Variants in PCNX1 observed in about 807,000 individuals in gnomAD.
PCNX1 encodes pecanex-like protein 1.
PCNX1 carries 78 observed loss-of-function variants against 242.2 expected under a neutral mutation model. The ratio of observed to expected loss-of-function variants is 0.32; its 90% CI spans 0.27 to 0.39. The LOEUF (loss-of-function observed/expected upper bound fraction) is 0.39, where lower values mean the gene tolerates loss of function less well. PCNX1 is among the 10% of genes least tolerant of loss of function. The probability of loss-of-function intolerance (pLI) is 1.00; values close to 1 mark genes in which losing one functional copy is unlikely to be tolerated. For synonymous variants in PCNX1, 1,024 were observed against 1,032.9 expected, an observed-to-expected ratio of 0.99 and a Z score of 0.17; for missense variants, 2,581 against 2,856.5, an observed-to-expected ratio of 0.90 and a Z score of 2.20.
chr14:70,966,456 A>C (rs1359948187), intron 3 of PCNX1, among the ~76,000 whole-genome samples: 1 of 152,160 alleles, frequency 6.6e-6, no homozygotes, highest in Non-Finnish European at 1.5e-5. Context: ...AAAAGTTAGG[A>C]AGCAAGCAGT....
intron 10 of PCNX1, chr14:71,011,916 G>T: frequency 5.4e-6 from 1 of 186,890 alleles, no homozygotes. Flanking sequence ...GTGTATTCCT[G>T]GAAACTGCAT....
chr14:71,081,463 C>G (rs1450750680), intron 28 of PCNX1, among the ~76,000 whole-genome samples: 1 of 152,078 alleles, frequency 6.6e-6, no homozygotes, highest in Non-Finnish European at 1.5e-5. Context: ...TTCTTCGTAC[C>G]TCTGGTAGAA....
intron 1 of PCNX1, among the ~76,000 whole-genome samples, chr14:70,922,815 T>G (rs1005273265): frequency 2.6e-5 from 4 of 151,560 alleles, no homozygotes; most frequent in Admixed American, 1.3e-4. Context: ...TAGTGAACAC[T>G]TACGTATATA....
intron 19 of PCNX1, among the ~76,000 whole-genome samples, chr14:71,042,101 A>C (rs2060723816): frequency 6.6e-6 from 1 of 152,142 alleles, no homozygotes; most frequent in Admixed American, 6.6e-5. Context: ...CATAACATAT[A>C]GTCTGTCTTG....
intron 1 of PCNX1, among the ~76,000 whole-genome samples, chr14:70,920,761 A>C (rs958784136): frequency 6.6e-6 from 1 of 152,220 alleles, no homozygotes; most frequent in Non-Finnish European, 1.5e-5. Flanking sequence ...ATAAGGTAGA[A>C]TATGACTAAT....
At position 71,112,039 on chromosome 14, in the gene PCNX1, C is replaced by A. The variant is rs1255861380; in HGVS notation, c.*2104C>A. The stretch of plus-strand genomic sequence containing the variant: ...CTCTGTATACGTATATTTTTAAAAT[C>A]TTCTGAAAGGAACTATGTTCCCTGC... On this transcript the variant is annotated 3_prime_UTR_variant, in exon 36 of 36. Transcript: ENST00000304743. The A allele has an allele frequency of 6.6e-6, 1 of 152,308 alleles. No individual in the cohort carries two copies. The highest frequency in any genetic ancestry group is 1.5e-5 in the Non-Finnish European group (1 of 67,910). 9.4% of individuals were successfully genotyped at this position (152,308 alleles called of 1,614,324 possible). A position where few individuals can be genotyped will look rare whatever the true frequency, so the allele number is the denominator to read the frequency against.
intron 11 of PCNX1, among the ~76,000 whole-genome samples, chr14:71,015,627 C>G (rs150854013): frequency 6.6e-6 from 1 of 152,056 alleles, no homozygotes; most frequent in Non-Finnish European, 1.5e-5. Flanking sequence ...GAGACTCTGT[C>G]TCTACAAACA....
Position 70,977,673 on chromosome 14 carries a change from G to T in PCNX1, c.1336G>T (p.Asp446Tyr). 1 of 1,614,080 alleles carries T rather than the reference G, an allele frequency of 6.2e-7. No homozygotes were observed. Among genetic ancestry groups the T allele is most frequent in the Non-Finnish European group, 8.5e-7 (1 of 1,180,010 alleles). Residue 446 changes from aspartate to tyrosine, a missense_variant, in exon 6 of 36, where the codon GAC (aspartate) becomes TAC (tyrosine). By Grantham distance (160) the Asp-to-Tyr change is radical. Coordinates refer to ENST00000304743, the MANE Select transcript of PCNX1 (RefSeq NM_014982.3). ...GPEEKNSCASDKRTSSEKIAM... is the reference protein window; with the variant it reads ...GPEEKNSCASYKRTSSEKIAM... ...AGAGGAGAAGAATAGCTGTGCCAGT[G>T]ACAAAAGGACTAGCAGTGAAAAGAT...
chr14:71,031,825 A>T, intron 16 of PCNX1: 1 of 1,490,056 alleles, frequency 6.7e-7, no homozygotes, highest in Non-Finnish European at 9.4e-7. Context: ...GAGGAGAGGG[A>T]TGGTGGCATC....
chr14:70,915,771 A>G (rs1194533960), intron 1 of PCNX1, among the ~76,000 whole-genome samples: 4 of 152,196 alleles, frequency 2.6e-5, no homozygotes, highest in Non-Finnish European at 5.9e-5. Context: ...ATAAATACTC[A>G]TTTTACAAAT....
At chr14:71,031,740 C>T (rs1274924848) in intron 16 of PCNX1, 11 of 1,161,700 alleles carry the variant, frequency 9.5e-6, no homozygotes, top group Non-Finnish European at 1.4e-5. Flanking sequence ...TTTTCTCTCT[C>T]ACATCAACGA....
chr14:71,017,644 T>C (rs1000667714), intron 11 of PCNX1, among the ~76,000 whole-genome samples: 2 of 152,156 alleles, frequency 1.3e-5, no homozygotes, highest in Non-Finnish European at 2.9e-5. Context: ...CAAAATTTGA[T>C]ACATTGGACT....
chr14:70,957,387 T>C (rs902758679), intron 2 of PCNX1, among the ~76,000 whole-genome samples: 3 of 152,138 alleles, frequency 2.0e-5, no homozygotes, highest in African/African-American at 7.2e-5. Context: ...TATCCATCAG[T>C]TGATGACTGG....
intron 19 of PCNX1, among the ~76,000 whole-genome samples, chr14:71,036,679 A>G (rs2060544531): frequency 6.6e-6 from 1 of 152,216 alleles, no homozygotes. Flanking sequence ...CTAAACACAC[A>G]TTTCTCATAA....
In PCNX1 at chr14:71,089,100, C is replaced by T. The variant is rs954158375; in HGVS notation, c.5439-92C>T. On this transcript the variant is annotated intron_variant, in intron 29 of 35. Coordinates refer to ENST00000304743, the MANE Select transcript of PCNX1 (RefSeq NM_014982.3). ...TGGAATCTGTATTTTCAAAACACTC[C>T]CAGGTGATTCTGATGCACACGCAGA... The T allele has an allele frequency of 4.2e-6, 4 of 944,370 alleles. No homozygotes were observed. In the African/African-American group the frequency reaches 6.6e-5, roughly 16 times the overall value. 58.5% of individuals were successfully genotyped at this position (944,370 alleles called of 1,614,324 possible).
At chr14:70,913,145 A>G (rs545929672) in intron 1 of PCNX1, among the ~76,000 whole-genome samples, 39 of 152,340 alleles carry the variant, frequency 2.6e-4, no homozygotes, top group Non-Finnish European at 4.9e-4. Flanking sequence ...GGCAGGGGCC[A>G]GGTCTGATTT....
chr14:71,059,100 T>C (rs79129321), intron 26 of PCNX1, among the ~76,000 whole-genome samples: 141 of 152,324 alleles, frequency 9.3e-4, no homozygotes, highest in African/African-American at 3.3e-3. Flanking sequence ...GAGGCTGTTT[T>C]ATCTAACATT....
intron 28 of PCNX1, among the ~76,000 whole-genome samples, chr14:71,082,817 CTT>C (rs1362177340): frequency 1.3e-5 from 2 of 152,024 alleles, no homozygotes; most frequent in Non-Finnish European, 2.9e-5. Context: ...CAGTGTGTGT[CTT>C]TTAATTGGGG....
At chr14:71,019,617 G>A (rs1467163927) in intron 12 of PCNX1, among the ~76,000 whole-genome samples, 1 of 152,084 alleles carries the variant, frequency 6.6e-6, no homozygotes, top group Non-Finnish European at 1.5e-5. Context: ...GGTCAGGCTG[G>A]TCTCAAACTC....
Sources: gnomAD v4.1 joint callset for allele counts (sites outside exome capture counted in the v4.1 genomes callset) on GRCh38, gnomAD v4.1.1 for gene constraint, MANE v1.5 for transcripts, NCBI Gene and HGNC (gene_info 2026-07-23, HGNC 2026-07-21) for gene names.